Variants in SUCLG2 observed in about 807,000 individuals in gnomAD.
The protein encoded by SUCLG2 is succinate--CoA ligase [GDP-forming] subunit beta, mitochondrial.
A neutral mutation model predicts 47.9 loss-of-function variants in SUCLG2; 42 were observed. That is an observed-to-expected ratio of 0.88 (90% CI 0.69 to 1.14). SUCLG2 has a LOEUF of 1.14. Ranked by LOEUF, SUCLG2 falls within the 50% of genes most tolerant of loss-of-function variation. SUCLG2 has a pLI of 0.00. For missense variants in SUCLG2, 571 were observed against 525.9 expected (o/e 1.09, Z -0.84); for synonymous variants, 195 against 197.3 (o/e 0.99, Z 0.10).
intron 2 of SUCLG2, among the ~76,000 whole-genome samples, chr3:67,539,283 T>A (rs949526516): frequency 2.0e-5 from 3 of 152,246 alleles, no homozygotes; most frequent in Admixed American, 6.5e-5. Flanking sequence ...TGTTGATTTT[T>A]ATCAAAGGCC....
chr3:67,602,092 A>C (rs1272541709), intron 2 of SUCLG2, among the ~76,000 whole-genome samples: 1 of 152,196 alleles, frequency 6.6e-6, no homozygotes, highest in African/African-American at 2.4e-5. Flanking sequence ...ATGGATACAC[A>C]ATCATGGGCA....
At position 67,461,154 on chromosome 3, in the gene SUCLG2, C is replaced by G. The variant is rs1006851935; in HGVS notation, c.1062+34644G>C. Among the ~76,000 whole-genome samples the G allele has an allele frequency of 2.6e-5, 4 of 152,098 alleles. No individual in the cohort carries two copies. The East Asian group carries it at 7.7e-4, about 29-fold the overall frequency. On this transcript the variant is annotated intron_variant, in intron 9 of 10. Transcript: ENST00000307227. Reference sequence around the variant, plus strand: ...TTTTTATGAGTTTTTAAGAAAATGCCTTTTAAAATTTCTCTTCCAAGCTCT... The same window carrying G: ...TTTTTATGAGTTTTTAAGAAAATGCGTTTTAAAATTTCTCTTCCAAGCTCT...
intron 9 of SUCLG2, among the ~76,000 whole-genome samples, chr3:67,494,055 A>G (rs918059716): frequency 2.6e-5 from 4 of 152,336 alleles, no homozygotes; most frequent in South Asian, 4.1e-4. Context: ...AAAGACAAGC[A>G]AAAACATAAG....
chr3:67,471,492 C>G (rs1255921825), intron 9 of SUCLG2, among the ~76,000 whole-genome samples: 1 of 152,152 alleles, frequency 6.6e-6, no homozygotes, highest in Non-Finnish European at 1.5e-5. Flanking sequence ...ACTTACCACT[C>G]TATTGAAACC....
intron 10 of SUCLG2, among the ~76,000 whole-genome samples, chr3:67,394,042 A>C (rs1450258722): frequency 1.3e-5 from 2 of 151,290 alleles, no homozygotes; most frequent in African/African-American, 2.4e-5. Flanking sequence ...CATCAAAGAC[A>C]AAAAGTAGAT....
At chr3:67,605,223 C>A (rs1177538086) in intron 2 of SUCLG2, among the ~76,000 whole-genome samples, 1 of 152,168 alleles carries the variant, frequency 6.6e-6, no homozygotes, top group Non-Finnish European at 1.5e-5. Context: ...CAGTTTTAAT[C>A]TTAACCTCAA....
At chr3:67,365,457 A>G (rs568298322) in intron 10 of SUCLG2, among the ~76,000 whole-genome samples, 43 of 152,328 alleles carry the variant, frequency 2.8e-4, no homozygotes, top group African/African-American at 1.0e-3. Flanking sequence ...ACAGTGTTAG[A>G]CAGTGTCTAG....
At chr3:67,509,339 C>A (rs953911782) in intron 6 of SUCLG2, among the ~76,000 whole-genome samples, 13 of 152,160 alleles carry the variant, frequency 8.5e-5, no homozygotes, top group African/African-American at 2.4e-4. Context: ...CAATCCAACC[C>A]ATAATCTGTG....
chr3:67,497,197 C>A (rs777342810), intron 8 of SUCLG2, among the ~76,000 whole-genome samples: 4 of 152,150 alleles, frequency 2.6e-5, no homozygotes, highest in Non-Finnish European at 5.9e-5. Context: ...AATTGGATGT[C>A]ATTTTCTATT....
chr3:67,567,268 T>C (rs1575783763), intron 2 of SUCLG2, among the ~76,000 whole-genome samples: 1 of 151,140 alleles, frequency 6.6e-6, no homozygotes, highest in East Asian at 1.9e-4. Flanking sequence ...TGCATTTTAA[T>C]ATGGCAGAAC....
intron 2 of SUCLG2, among the ~76,000 whole-genome samples, chr3:67,535,596 A>G (rs970859032): frequency 2.6e-5 from 4 of 152,164 alleles, no homozygotes; most frequent in Admixed American, 2.6e-4. Flanking sequence ...TTTAAAAATA[A>G]ATAAATAAAT....
chr3:67,497,907 A>G (rs1575736079), intron 8 of SUCLG2, among the ~76,000 whole-genome samples: 2 of 152,198 alleles, frequency 1.3e-5, no homozygotes, highest in East Asian at 3.8e-4. Context: ...GTAAAGAATT[A>G]TCCCACCCAA....
chr3:67,569,837 G>A (rs2107234151), intron 2 of SUCLG2, among the ~76,000 whole-genome samples: 1 of 152,258 alleles, frequency 6.6e-6, no homozygotes, highest in Non-Finnish European at 1.5e-5. Flanking sequence ...GGGATAGGGT[G>A]AATGTATTTT....
chr3:67,371,804 C>T (rs532950271), downstream of SUCLG2, among the ~76,000 whole-genome samples: 396 of 152,284 alleles, frequency 2.6e-3, 2 homozygotes, highest in African/African-American at 9.2e-3. Flanking sequence ...TGGCTTTTGA[C>T]TCAGAAGACC....
chr3:67,406,442 A>G (rs1271361765), intron 9 of SUCLG2, among the ~76,000 whole-genome samples: 4 of 152,176 alleles, frequency 2.6e-5, no homozygotes, highest in Admixed American at 2.0e-4. Flanking sequence ...GCAGGACAGG[A>G]CCTATATTAC....
chr3:67,499,389 T>A (rs951268543), intron 7 of SUCLG2, among the ~76,000 whole-genome samples: 1 of 152,098 alleles, frequency 6.6e-6, no homozygotes, highest in Non-Finnish European at 1.5e-5. Flanking sequence ...TGCAGGACCA[T>A]CTTATGGTGC....
intron 1 of SUCLG2, among the ~76,000 whole-genome samples, chr3:67,639,459 A>G (rs973446349): frequency 7.1e-6 from 1 of 140,590 alleles, no homozygotes; most frequent in Non-Finnish European, 1.5e-5. Context: ...AGATGCTCTC[A>G]GTGCTCCATC....
In SUCLG2 at chr3:67,415,973, A is replaced by G. The variant is rs1575680842; in HGVS notation, c.1063-15122T>C. On this transcript the variant is annotated intron_variant, in intron 9 of 10. Transcript: ENST00000307227. ...CTCTGGGCAAGCCAACTGCCAAGCC[A>G]TAAGGACGGACACTCAAGAGACTTC... 2.0e-5 allele frequency among the ~76,000 whole-genome samples: 3 copies of G among 152,328 alleles called. No individual in the cohort carries two copies. The South Asian group carries it at 6.2e-4, about 32-fold the overall frequency.
chr3:67,423,290 T>C (rs1703216411), intron 9 of SUCLG2, among the ~76,000 whole-genome samples: 1 of 152,132 alleles, frequency 6.6e-6, no homozygotes, highest in South Asian at 2.1e-4. Flanking sequence ...TCTGCCATGA[T>C]TGTAAGTTTC....
Sources: gnomAD v4.1 joint callset for allele counts (sites outside exome capture counted in the v4.1 genomes callset) on GRCh38, gnomAD v4.1.1 for gene constraint, MANE v1.5 for transcripts, NCBI Gene and HGNC (gene_info 2026-07-23, HGNC 2026-07-21) for gene names.